Variants in ALPK1 observed in about 807,000 individuals in gnomAD.
ALPK1 encodes the protein alpha kinase 1.
A neutral mutation model predicts 120.6 loss-of-function variants in ALPK1; 110 were observed. That is an observed-to-expected ratio of 0.91 (90% confidence interval 0.78 to 1.07). The LOEUF (loss-of-function observed/expected upper bound fraction) is 1.07. ALPK1 is among the 50% of genes least tolerant of loss of function. The pLI, the probability that ALPK1 is intolerant of heterozygous loss-of-function variation, is 0.00. For synonymous variants in ALPK1, 582 were observed against 560.3 expected, an observed-to-expected ratio of 1.04 and a Z score of -0.55; for missense variants, 1,498 against 1,483.9, an observed-to-expected ratio of 1.01 and a Z score of -0.16.
At chr4:112,370,717 A>G (rs1731368655) in intron 2 of ALPK1, among the ~76,000 whole-genome samples, 1 of 152,154 alleles carries the variant, frequency 6.6e-6, no homozygotes, top group Admixed American at 6.5e-5. Context: ...ATGTTACAGT[A>G]TTTTCTTCCT....
chr4:112,325,595 G>A (rs181953550), intron 2 of ALPK1, among the ~76,000 whole-genome samples: 103 of 152,198 alleles, frequency 6.8e-4, no homozygotes, highest in Non-Finnish European at 1.1e-3. Context: ...TGTGGCCCTC[G>A]TGTCCATAAA....
intron 1 of ALPK1, among the ~76,000 whole-genome samples, chr4:112,304,789 A>G (rs1727954725): frequency 1.3e-5 from 2 of 151,970 alleles, no homozygotes; most frequent in Admixed American, 6.6e-5. Context: ...CTTTTATTCC[A>G]TTGCTTTTGG....
At chr4:112,391,874 C>A (rs994019725) in intron 4 of ALPK1, among the ~76,000 whole-genome samples, 1 of 151,942 alleles carries the variant, frequency 6.6e-6, no homozygotes, top group Non-Finnish European at 1.5e-5. Flanking sequence ...ATGTGTAAGA[C>A]AATGAAGCAA....
In ALPK1 at chr4:112,305,514, T is replaced by C. The variant is rs1308063351; in HGVS notation, c.-153+8045T>C. On this transcript the variant is annotated intron_variant, in intron 1 of 15. Transcript: ENST00000650871. ...GGTATTTTATTCTCTTTGAAGCAATTGTGAATGGAAGTTCACTCATGATTT... is the reference window on the plus strand; with the variant it reads ...GGTATTTTATTCTCTTTGAAGCAATCGTGAATGGAAGTTCACTCATGATTT... Among the ~76,000 whole-genome samples, 17 of 152,252 alleles carry C rather than the reference T, an allele frequency of 1.1e-4. No individual in the cohort carries two copies. The South Asian group carries it at 3.5e-3, about 32-fold the overall frequency.
intron 2 of ALPK1, among the ~76,000 whole-genome samples, chr4:112,339,223 C>A (rs1729754149): frequency 1.3e-5 from 2 of 152,296 alleles, no homozygotes; most frequent in Non-Finnish European, 1.5e-5. Context: ...AATCCTGGCT[C>A]TGAGTTTCCT....
chr4:112,397,137 A>G (rs976345932), intron 4 of ALPK1, among the ~76,000 whole-genome samples: 9 of 152,242 alleles, frequency 5.9e-5, no homozygotes, highest in Non-Finnish European at 1.0e-4. Context: ...GTTAAGTAAC[A>G]TGCAAAATCA....
At chr4:112,429,858 A>G (rs1382101930) in intron 10 of ALPK1, among the ~76,000 whole-genome samples, 13 of 146,122 alleles carry the variant, frequency 8.9e-5, no homozygotes, top group South Asian at 6.4e-4. Context: ...AAAAAAAGAA[A>G]AGAAAAGAGA....
intron 2 of ALPK1, among the ~76,000 whole-genome samples, chr4:112,369,654 G>A (rs1338707921): frequency 6.6e-6 from 1 of 152,156 alleles, no homozygotes; most frequent in African/African-American, 2.4e-5. Flanking sequence ...CTCCACTCCA[G>A]CCTGGGTGAC....
chr4:112,392,089 A>T (rs1578529297), intron 4 of ALPK1, among the ~76,000 whole-genome samples: 1 of 152,268 alleles, frequency 6.6e-6, no homozygotes, highest in Non-Finnish European at 1.5e-5. Flanking sequence ...TAGAGAAAAT[A>T]GATTGGGAAA....
intron 2 of ALPK1, among the ~76,000 whole-genome samples, chr4:112,324,834 G>A (rs958423675): frequency 2.6e-5 from 4 of 152,098 alleles, no homozygotes; most frequent in Non-Finnish European, 4.4e-5. Context: ...AGAGCTTGTG[G>A]TAGATTGTCT....
chr4:112,352,325 C>G (rs1730400097), intron 2 of ALPK1, among the ~76,000 whole-genome samples: 1 of 152,204 alleles, frequency 6.6e-6, no homozygotes, highest in South Asian at 2.1e-4. Context: ...TTTACATCTT[C>G]TTCCTGCTCC....
chr4:112,411,886 CT>C lies in ALPK1; in HGVS notation c.338del (p.Leu113TrpfsTer44). 6.2e-7 allele frequency: 1 copy of C among 1,613,950 alleles called. No individual in the cohort carries two copies. On this transcript the variant is annotated frameshift_variant, in exon 5 of 16. Transcript: ENST00000650871. LOFTEE classifies it high-confidence loss of function. ...GTGCGGCTGCGGCGGCTATTGTGTT[CT>C]TGGTGGACCGGTTCCTGTATGGGCT... ...DCAAAAAIVF[L>X]VDRFLYGLDV...
intron 2 of ALPK1, among the ~76,000 whole-genome samples, chr4:112,351,630 T>G (rs540876599): frequency 6.6e-6 from 1 of 152,078 alleles, no homozygotes; most frequent in African/African-American, 2.4e-5. Context: ...CGCGCCACCA[T>G]GCCCAGCTAA....
chr4:112,299,969 T>C (rs1259429136), intron 1 of ALPK1, among the ~76,000 whole-genome samples: 1 of 152,168 alleles, frequency 6.6e-6, no homozygotes, highest in Non-Finnish European at 1.5e-5. Context: ...GGGCTACTAA[T>C]GGGTCATAGT....
chr4:112,371,386 C>T (rs1731397844), intron 2 of ALPK1, among the ~76,000 whole-genome samples: 1 of 152,168 alleles, frequency 6.6e-6, no homozygotes, highest in African/African-American at 2.4e-5. Context: ...GCCTGCACAG[C>T]CCGTATTTAC....
intron 2 of ALPK1, among the ~76,000 whole-genome samples, chr4:112,364,976 T>C (rs1210133245): frequency 6.6e-6 from 1 of 152,174 alleles, no homozygotes; most frequent in African/African-American, 2.4e-5. Context: ...TCTCAATAGA[T>C]GCAGTAAAAG....
At chr4:112,396,993 T>A (rs1732680724) in intron 4 of ALPK1, among the ~76,000 whole-genome samples, 1 of 152,148 alleles carries the variant, frequency 6.6e-6, no homozygotes, top group Non-Finnish European at 1.5e-5. Context: ...CCCAGGCTGA[T>A]CTCGAACTCC....
chr4:112,358,697 G>A lies in ALPK1; in HGVS notation c.-100-18981G>A, dbSNP rs1730765071. On this transcript the variant is annotated intron_variant, in intron 2 of 15. Transcript: ENST00000650871. ...TCCCATCTAAGAGGCTGGCAGAGGA[G>A]CCGCAAGGAAGGAGGAAGAAGATCC... 13 of 747,746 alleles carry A rather than the reference G, an allele frequency of 1.7e-5. No individual in the cohort carries two copies. The South Asian group carries it at 1.8e-4, about 10-fold the overall frequency. The allele number at this position is 747,746 out of a possible 1,614,324, so 46.3% of individuals were successfully genotyped here. A position where few individuals can be genotyped will look rare whatever the true frequency, so the allele number is the denominator to read the frequency against.
intron 2 of ALPK1, chr4:112,359,600 C>A: frequency 4.1e-6 from 1 of 245,262 alleles, no homozygotes; most frequent in East Asian, 9.1e-5. Context: ...GCTCATGGTG[C>A]AAGAAGCCTG....
Sources: gnomAD v4.1 joint callset for allele counts (sites outside exome capture counted in the v4.1 genomes callset) on GRCh38, gnomAD v4.1.1 for gene constraint, MANE v1.5 for transcripts, NCBI Gene and HGNC (gene_info 2026-07-23, HGNC 2026-07-21) for gene names.